Variants in PLEKHG4 observed in about 807,000 individuals in gnomAD.
The protein encoded by PLEKHG4 is puratrophin-1.
In PLEKHG4, 85 loss-of-function variants were observed where a neutral mutation model predicts 136.9. The observed-to-expected ratio is 0.62, with a 90% CI of 0.52 to 0.74. The LOEUF (loss-of-function observed/expected upper bound fraction) is 0.74, where lower values mean the gene tolerates loss of function less well. Ranked by LOEUF, PLEKHG4 falls within the 30% of genes least tolerant of loss-of-function variation. PLEKHG4 has a pLI of 0.00. For synonymous variants in PLEKHG4, 577 were observed against 646.9 expected, an observed-to-expected ratio of 0.89 and a Z score of 1.64; for missense variants, 1,317 against 1,527.8, an observed-to-expected ratio of 0.86 and a Z score of 2.30.
At chr16:67,288,142 C>T in intron 19 of PLEKHG4, 25 bp from the exon 20 acceptor site, 1 of 1,604,566 alleles carries the variant, frequency 6.2e-7, no homozygotes, top group Non-Finnish European at 8.5e-7. Flanking sequence ...TGGCCTGTCC[C>T]AACCTGACCC....
Position 67,289,311 on chromosome 16 carries a change from T to C in PLEKHG4, c.*503T>C, listed in dbSNP as rs1006782079. On this transcript the variant is annotated 3_prime_UTR_variant, in exon 22 of 22. Transcript: ENST00000379344. ...GCCCCCAGGCCCAGCCCCTTTTTAC[T>C]GGGGCAGTTTCGTTATTTTGACTTG... is the stretch of plus-strand genomic sequence containing the variant. 9.1e-6 allele frequency: 4 copies of C among 439,950 alleles called. No homozygotes were observed. In the Admixed American group the frequency reaches 1.6e-4, roughly 17 times the overall value. The allele number at this position is 439,950 out of a possible 1,614,324, so 27.3% of individuals were successfully genotyped here. A position where few individuals can be genotyped will look rare whatever the true frequency, so the allele number is the denominator to read the frequency against.
intron 5 of PLEKHG4, 120 bp from the exon 6 acceptor site, chr16:67,281,447 G>C (rs2036220848): frequency 1.2e-6 from 1 of 850,700 alleles, no homozygotes. Flanking sequence ...GGCTGATCTC[G>C]AACTCCTGAA....
Position 67,280,966 on chromosome 16 carries a change from A to C in PLEKHG4, c.680A>C (p.Glu227Ala), listed in dbSNP as rs1714246267. The C allele has an allele frequency of 6.2e-7, 1 of 1,613,662 alleles. No homozygotes were observed. The highest frequency in any genetic ancestry group is 8.5e-7 in the Non-Finnish European group (1 of 1,180,046). The change falls in exon 4 of 22, where the codon GAA becomes GCA. Residue 227 changes from glutamate (E) to alanine (A), a missense_variant. By Grantham distance (107) the Glu-to-Ala change is moderately radical (BLOSUM62 -1). Coordinates refer to ENST00000379344, the MANE Select transcript of PLEKHG4 (RefSeq NM_001129729.3). This position sits in a 1 kb window ranked among gnomAD's most constrained non-coding sequence, Gnocchi z 4.4. ...CTTCAGTCTGAGTGCAGCAGCCAGG[A>C]ACTCATCCGCCTCCTGCTGTACCTG... is the stretch of plus-strand genomic sequence containing the variant. ...AWLQSECSSQ[E>A]LIRLLLYLRS...
intron 19 of PLEKHG4, 29 bp downstream of exon 19, chr16:67,288,043 T>A: frequency 6.4e-7 from 1 of 1,553,336 alleles, no homozygotes; most frequent in Non-Finnish European, 8.9e-7. Context: ...GGTGTGGGGG[T>A]GGGAGTAGGA....
chr16:67,282,470 G>A, intron 9 of PLEKHG4, 33 bp from the exon 10 acceptor site: 2 of 1,613,822 alleles, frequency 1.2e-6, no homozygotes, highest in South Asian at 2.2e-5. Flanking sequence ...GTGGTGCAAG[G>A]CAGGGGGTCT....
rs1265624754 is a variant in PLEKHG4, at chr16:67,288,267, T to C, written c.3321T>C (p.Ser1107=). ...TTCCTGGAGACCCTGCCTCTTGCTC[T>C]GTTCTGGGGTCCCTCAACCTGCACC... is the stretch of plus-strand genomic sequence containing the variant. The part of the protein sequence containing the change: ...NSLPGDPASC[S]VLGSLNLHLY... Residue 1107 remains serine (S), a synonymous_variant, in exon 20 of 22, where the codon TCT becomes TCC. Coordinates refer to ENST00000379344, the MANE Select transcript of PLEKHG4 (RefSeq NM_001129729.3). The C allele has an allele frequency of 6.2e-7, 1 of 1,613,678 alleles. No homozygotes were observed. The highest frequency in any genetic ancestry group is 1.7e-5 in the Admixed American group (1 of 60,024).
chr16:67,278,477 G>A (rs772350120), upstream of PLEKHG4: 1 of 152,200 alleles, frequency 6.6e-6, no homozygotes, highest in Non-Finnish European at 1.5e-5. Context: ...GTCTTCTCCT[G>A]GTCGCAGAGC....
In PLEKHG4 at chr16:67,288,472, C is replaced by T. The variant is rs773700238; in HGVS notation, c.3455-17C>T. The T allele has an allele frequency of 5.0e-6, 8 of 1,613,972 alleles. No individual in the cohort carries two copies. Among genetic ancestry groups the T allele is most frequent in the East Asian group, 2.2e-5 (1 of 44,902 alleles). The stretch of plus-strand genomic sequence containing the variant: ...GGGGCTTCCCGTGCTGACAGTTCAC[C>T]CAGTCTCCCTCCCTAGCTGCTGAGG... On this transcript the variant is annotated splice_polypyrimidine_tract_variant and intron_variant, in intron 20 of 21. Transcript: ENST00000379344.
At chr16:67,278,009 C>T (rs1034213857), upstream of PLEKHG4, 1 of 152,250 alleles carries the variant, frequency 6.6e-6, no homozygotes, top group African/African-American at 2.4e-5. Context: ...GTATGTGTGC[C>T]CGCCAGCAGG....
intron 9 of PLEKHG4, 42 bp downstream of exon 9, chr16:67,282,391 A>G (rs1597378707): frequency 1.2e-6 from 2 of 1,611,926 alleles, no homozygotes; most frequent in Middle Eastern, 1.7e-4. Context: ...CCAGCCCACC[A>G]TATTCTATGC....
At chr16:67,283,377 G>A (rs1415252407) in intron 11 of PLEKHG4, among the ~76,000 whole-genome samples, 1 of 152,164 alleles carries the variant, frequency 6.6e-6, no homozygotes, top group East Asian at 1.9e-4. Flanking sequence ...TCAGTGTGGA[G>A]TTTAATCAGG....
chr16:67,284,336 TG>T lies in PLEKHG4; in HGVS notation c.1573del (p.Asp525ThrfsTer14). The T allele has an allele frequency of 3.1e-6, 5 of 1,613,870 alleles. No individual in the cohort carries two copies. The highest frequency in any genetic ancestry group is 4.2e-6 in the Non-Finnish European group (5 of 1,179,932). ...CTGACTGGCTGGGAGGCGGCTGAACTGGACCCCCCTGGGGCACGCTTTCTGG... is the reference window on the plus strand; with the variant it reads ...CTGACTGGCTGGGAGGCGGCTGAACTGACCCCCCTGGGGCACGCTTTCTGG... ...QPLTGWEAAE[L>X]DPPGARFLAL... On this transcript the variant is annotated frameshift_variant, in exon 12 of 22. Transcript: ENST00000379344. LOFTEE classifies it high-confidence loss of function. This position sits in a 1 kb window ranked among gnomAD's most constrained non-coding sequence, Gnocchi z 4.4.
chr16:67,286,984 C>T lies in PLEKHG4; in HGVS notation c.2926-16C>T. The stretch of plus-strand genomic sequence containing the variant: ...GCCCCATGCCTTACCAAGCCCCTCT[C>T]TCCCGCTGGCCACAGATGGCAGACC... On this transcript the variant is annotated splice_polypyrimidine_tract_variant and intron_variant, in intron 17 of 21. Coordinates refer to ENST00000379344, the MANE Select transcript of PLEKHG4 (RefSeq NM_001129729.3). 8 of 1,613,152 alleles carry T rather than the reference C, an allele frequency of 5.0e-6. No individual in the cohort carries two copies. Among genetic ancestry groups the T allele is most frequent in the Non-Finnish European group, 5.9e-6 (7 of 1,179,970 alleles).
At position 67,286,488 on chromosome 16, in the gene PLEKHG4, A is replaced by T. The variant is rs1462069308; in HGVS notation, c.2576A>T (p.Tyr859Phe). ...GGGGACCACCTGGACCTGGCCTCCTACCTGCTAAAGCCCATCCAGCGCATG... is the reference window on the plus strand; with the variant it reads ...GGGGACCACCTGGACCTGGCCTCCTTCCTGCTAAAGCCCATCCAGCGCATG... ...ALGDHLDLASYLLKPIQRMGK... is the reference protein window; with the variant it reads ...ALGDHLDLASFLLKPIQRMGK... The change falls in exon 16 of 22, where the codon TAC becomes TTC. Residue 859 changes from tyrosine to phenylalanine, a missense_variant. Transcript: ENST00000379344. 10 of 1,605,576 alleles carry T rather than the reference A, an allele frequency of 6.2e-6. No homozygotes were observed. The highest frequency in any genetic ancestry group is 8.5e-6 in the Non-Finnish European group (10 of 1,175,338).
At chr16:67,287,665 T>C in intron 18 of PLEKHG4, 1 of 594,226 alleles carries the variant, frequency 1.7e-6, no homozygotes, top group Non-Finnish European at 3.0e-6. Flanking sequence ...AGTGTTGGGA[T>C]TACAGGCGTG....
At position 67,286,397 on chromosome 16, in the gene PLEKHG4, T is replaced by C. The variant is rs753522274; in HGVS notation, c.2532+34T>C. 6 of 1,607,806 alleles carry C rather than the reference T, an allele frequency of 3.7e-6. No individual in the cohort carries two copies. In the Admixed American group the frequency reaches 1.0e-4, roughly 27 times the overall value. On this transcript the variant is annotated intron_variant, in intron 15 of 21. Transcript: ENST00000379344. ...ACCTGAGATTAGGAGGAGTAGGGGA[T>C]GCGGGGAGTGCCCCCAAACCACTCA... is the stretch of plus-strand genomic sequence containing the variant.
In PLEKHG4 at chr16:67,289,050, C is replaced by T; in HGVS notation, c.*242C>T. ...GGCCCCATGACCCCTTCTCCTGTCC[C>T]CAGCTCCCATCCCAGTTGTGGGTTA... On this transcript the variant is annotated 3_prime_UTR_variant, in exon 22 of 22. Coordinates refer to ENST00000379344, the MANE Select transcript of PLEKHG4 (RefSeq NM_001129729.3). 4 of 620,816 alleles carry T rather than the reference C, an allele frequency of 6.4e-6. No individual in the cohort carries two copies. The South Asian group carries it at 7.3e-5, about 11-fold the overall frequency. 38.5% of individuals were successfully genotyped at this position (620,816 alleles called of 1,614,324 possible).
Position 67,280,632 on chromosome 16 carries a change from C to G in PLEKHG4, c.500-79C>G, listed in dbSNP as rs767803127. 1.2e-6 allele frequency: 2 copies of G among 1,611,862 alleles called. No homozygotes were observed. Among genetic ancestry groups the G allele is most frequent in the South Asian group, 2.2e-5 (2 of 91,058 alleles). ...AAGACTTTGGAGGTCTCTGACCCTA[C>G]TCAGGCTGAAGCCCGGGTCCAAGTA... On this transcript the variant is annotated intron_variant, in intron 2 of 21. Transcript: ENST00000379344. The surrounding 1 kb of genome is among the most constrained non-coding windows in gnomAD (Gnocchi z 4.4).
At chr16:67,282,704 G>A (rs774364781) in intron 10 of PLEKHG4, 38 bp from the exon 11 acceptor site, 1 of 1,613,436 alleles carries the variant, frequency 6.2e-7, no homozygotes, top group Non-Finnish European at 8.5e-7. Context: ...CCAGTCCATA[G>A]CAGCTCTCTT....
Sources: allele counts gnomAD v4.1 joint callset (sites outside exome capture counted in the v4.1 genomes callset), GRCh38; gene constraint gnomAD v4.1.1; non-coding constraint Gnocchi (gnomAD v3.1); transcripts MANE v1.5; gene names NCBI Gene and HGNC (gene_info 2026-07-23, HGNC 2026-07-21).